SLAIN2: variants seen among roughly 807,000 people sequenced by gnomAD.
SLAIN2 encodes SLAIN motif-containing protein 2.
A neutral mutation model predicts 56.6 loss-of-function variants in SLAIN2; 31 were observed. The ratio of observed to expected loss-of-function variants is 0.55; its 90% CI spans 0.41 to 0.74. The LOEUF (loss-of-function observed/expected upper bound fraction) is 0.74. Ranked by LOEUF, SLAIN2 falls within the 30% of genes least tolerant of loss-of-function variation. The pLI, the probability that SLAIN2 is intolerant of heterozygous loss-of-function variation, is 0.00. For missense variants in SLAIN2, 777 were observed against 754.2 expected (o/e 1.03, Z -0.35); for synonymous variants, 317 against 284.9 (o/e 1.11, Z -1.13).
At chr4:48,378,326 A>G (rs936288326) in intron 3 of SLAIN2, among the ~76,000 whole-genome samples, 4 of 152,224 alleles carry the variant, frequency 2.6e-5, no homozygotes, top group African/African-American at 9.6e-5. Flanking sequence ...ATGGGTTACA[A>G]ATGTGATTCT....
intron 1 of SLAIN2, among the ~76,000 whole-genome samples, chr4:48,345,102 C>T (rs1714826891): frequency 2.6e-5 from 4 of 152,186 alleles, no homozygotes; most frequent in Non-Finnish European, 4.4e-5. Context: ...CTCCAAGCAT[C>T]AAATAATGCG....
chr4:48,387,416 A>G lies in SLAIN2; in HGVS notation c.1360+3632A>G, dbSNP rs150136901. The G allele has an allele frequency of 1.6e-3, 250 of 152,218 alleles. 2 individuals carry two copies. The highest frequency in any genetic ancestry group is 5.3e-3 in the African/African-American group (222 of 41,566). 9.4% of individuals were successfully genotyped at this position (152,218 alleles called of 1,614,324 possible). ...AGAAGTTGATAATTAAGGAATATATATAGGGAAAACACAATGGGATTCCAA... is the reference window on the plus strand; with the variant it reads ...AGAAGTTGATAATTAAGGAATATATGTAGGGAAAACACAATGGGATTCCAA... On this transcript the variant is annotated intron_variant, in intron 6 of 7. Coordinates refer to ENST00000264313, the MANE Select transcript of SLAIN2 (RefSeq NM_020846.2).
intron 7 of SLAIN2, 82 bp from the exon 8 acceptor site, chr4:48,421,929 A>G: frequency 8.8e-7 from 1 of 1,133,808 alleles, no homozygotes; most frequent in Non-Finnish European, 1.3e-6. Flanking sequence ...CCTGAAGAGT[A>G]ATTAATATAT....
At chr4:48,380,608 T>C (rs987239732) in intron 4 of SLAIN2, among the ~76,000 whole-genome samples, 1 of 152,196 alleles carries the variant, frequency 6.6e-6, no homozygotes, top group African/African-American at 2.4e-5. Flanking sequence ...GGTTCATGGC[T>C]ACTTGCCCTG....
Position 48,379,775 on chromosome 4 carries a change from A to T in SLAIN2, c.789A>T (p.Glu263Asp). 1 of 1,599,470 alleles carries T rather than the reference A, an allele frequency of 6.3e-7. No individual in the cohort carries two copies. The stretch of plus-strand genomic sequence containing the variant: ...AGTTAAGTGCTTCAGAATTAGATGA[A>T]GATTCAATTGGATCCAATTATAAGC... Reference protein sequence around the residue: ...DSELSASELDEDSIGSNYKLN... With the variant: ...DSELSASELDDDSIGSNYKLN... The change falls in exon 4 of 8, where the codon GAA becomes GAT. Residue 263 changes from glutamate (E) to aspartate (D), a missense_variant. By Grantham distance (45) the Glu-to-Asp change is conservative. Coordinates refer to ENST00000264313, the MANE Select transcript of SLAIN2 (RefSeq NM_020846.2).
intron 6 of SLAIN2, among the ~76,000 whole-genome samples, chr4:48,392,415 AGTTCATTATAGACGT>A (rs1336549954): frequency 6.6e-6 from 1 of 152,120 alleles, no homozygotes; most frequent in Non-Finnish European, 1.5e-5. Flanking sequence ...CTTCCAGACG[AGTTCATTATAGACGT>A]TATTTAATAT....
intron 2 of SLAIN2, 40 bp from the exon 3 acceptor site, chr4:48,377,856 T>C (rs1459661486): frequency 6.4e-7 from 1 of 1,572,080 alleles, no homozygotes; most frequent in African/African-American, 1.4e-5. Flanking sequence ...TAACTTTTTC[T>C]CAGTTGTTAA....
intron 6 of SLAIN2, among the ~76,000 whole-genome samples, chr4:48,403,024 C>A (rs1014910911): frequency 6.6e-6 from 1 of 152,208 alleles, no homozygotes; most frequent in Non-Finnish European, 1.5e-5. Context: ...TCAGTCCCTC[C>A]TGCATCTGGA....
intron 6 of SLAIN2, among the ~76,000 whole-genome samples, chr4:48,391,788 T>C (rs1408809755): frequency 6.6e-6 from 1 of 152,178 alleles, no homozygotes; most frequent in African/African-American, 2.4e-5. Context: ...TGACCAGAGA[T>C]TAATAAATGG....
At chr4:48,411,162 C>G (rs1716834635) in intron 6 of SLAIN2, among the ~76,000 whole-genome samples, 1 of 152,106 alleles carries the variant, frequency 6.6e-6, no homozygotes, top group Non-Finnish European at 1.5e-5. Context: ...TAGGGAACAG[C>G]TCTCCCTGTT....
intron 6 of SLAIN2, among the ~76,000 whole-genome samples, chr4:48,392,149 A>G (rs1440958639): frequency 6.6e-6 from 1 of 152,210 alleles, no homozygotes; most frequent in Non-Finnish European, 1.5e-5. Flanking sequence ...TCAGAATAAC[A>G]TTGGATTTTT....
At chr4:48,376,024 T>C (rs1242222721) in intron 2 of SLAIN2, among the ~76,000 whole-genome samples, 3 of 152,262 alleles carry the variant, frequency 2.0e-5, no homozygotes, top group African/African-American at 7.2e-5. Context: ...TGCCTTGCAA[T>C]GTTTGTTGAC....
Position 48,342,148 on chromosome 4 carries a change from C to T in SLAIN2, c.389+20C>T. On this transcript the variant is annotated intron_variant, in intron 1 of 7. Coordinates refer to ENST00000264313, the MANE Select transcript of SLAIN2 (RefSeq NM_020846.2). ...GAGCTGGTGAGCGCGAGGCGCCGGGCAGGAGCTGGGCGGGGACGGGCCCGG... is the reference window on the plus strand; with the variant it reads ...GAGCTGGTGAGCGCGAGGCGCCGGGTAGGAGCTGGGCGGGGACGGGCCCGG... 7.5e-7 allele frequency: 1 copy of T among 1,337,556 alleles called. No homozygotes were observed. The highest frequency in any genetic ancestry group is 9.5e-7 in the Non-Finnish European group (1 of 1,049,772). The allele number at this position is 1,337,556 out of a possible 1,614,324, so 82.9% of individuals were successfully genotyped here. A position where few individuals can be genotyped will look rare whatever the true frequency, so the allele number is the denominator to read the frequency against.
In SLAIN2 at chr4:48,424,089, G is replaced by A. The variant is rs1240021651; in HGVS notation, c.*2012G>A. 6.6e-6 allele frequency: 1 copy of A among 152,042 alleles called. No homozygotes were observed. Among genetic ancestry groups the A allele is most frequent in the Non-Finnish European group, 1.5e-5 (1 of 67,990 alleles). 9.4% of individuals were successfully genotyped at this position (152,042 alleles called of 1,614,324 possible). ...AGTTAGATAATCAGTTTCAAAAGGA[G>A]TATTCAGGTTATTTAACTTTGTTTT... is the stretch of plus-strand genomic sequence containing the variant. On this transcript the variant is annotated 3_prime_UTR_variant, in exon 8 of 8. Transcript: ENST00000264313.
chr4:48,421,392 CA>C (rs946258145), intron 7 of SLAIN2, among the ~76,000 whole-genome samples: 2 of 152,050 alleles, frequency 1.3e-5, no homozygotes, highest in East Asian at 3.8e-4. Flanking sequence ...ATGGGATTAC[CA>C]CCATCAGTAA....
Position 48,422,897 on chromosome 4 carries a change from C to G in SLAIN2, c.*820C>G, listed in dbSNP as rs1717198001. The G allele has an allele frequency of 2.0e-5, 3 of 152,154 alleles. No individual in the cohort carries two copies. Among genetic ancestry groups the G allele is most frequent in the South Asian group, 4.1e-4 (2 of 4,834 alleles). The allele number at this position is 152,154 out of a possible 1,614,324, so 9.4% of individuals were successfully genotyped here. On this transcript the variant is annotated 3_prime_UTR_variant, in exon 8 of 8. Transcript: ENST00000264313. Reference sequence around the variant, plus strand: ...AGATGGCCTTTGCTATTGAAGCCAACTTCTTCACATGCTGTTATCTTTACA... The same window carrying G: ...AGATGGCCTTTGCTATTGAAGCCAAGTTCTTCACATGCTGTTATCTTTACA...
intron 6 of SLAIN2, among the ~76,000 whole-genome samples, chr4:48,411,021 C>T (rs1716830649): frequency 6.6e-6 from 1 of 152,110 alleles, no homozygotes; most frequent in African/African-American, 2.4e-5. Flanking sequence ...CAAGTCCCAG[C>T]TTAGGACCCC....
chr4:48,412,777 G>A (rs1353713843), intron 6 of SLAIN2, among the ~76,000 whole-genome samples: 1 of 152,094 alleles, frequency 6.6e-6, no homozygotes, highest in Non-Finnish European at 1.5e-5. Context: ...TACGTTAATG[G>A]AAGAAGAAAT....
At chr4:48,375,895 C>G (rs1322267009) in intron 2 of SLAIN2, among the ~76,000 whole-genome samples, 1 of 152,244 alleles carries the variant, frequency 6.6e-6, no homozygotes, top group East Asian at 1.9e-4. Context: ...CCTCTCAAGA[C>G]TGCTTCAATG....
Sources: allele counts gnomAD v4.1 joint callset (sites outside exome capture counted in the v4.1 genomes callset), GRCh38; gene constraint gnomAD v4.1.1; transcripts MANE v1.5; gene names NCBI Gene and HGNC (gene_info 2026-07-23, HGNC 2026-07-21).